WARS1: variants seen among roughly 807,000 people sequenced by gnomAD.
WARS1 encodes tryptophanyl-tRNA synthetase 1, also known as tryptophan--tRNA ligase, cytoplasmic.
WARS1 carries 17 observed loss-of-function variants against 47.8 expected under a neutral mutation model. The ratio of observed to expected loss-of-function variants is 0.36; its 90% CI spans 0.24 to 0.53. The LOEUF is 0.53. WARS1 is among the 20% of genes least tolerant of loss of function. The pLI is 0.91. For missense variants in WARS1, 434 were observed against 608.0 expected, an observed-to-expected ratio of 0.71 and a Z score of 3.01; for synonymous variants, 208 against 228.1, an observed-to-expected ratio of 0.91 and a Z score of 0.79.
intron 7 of WARS1, among the ~76,000 whole-genome samples, chr14:100,343,656 CAGA>C (rs1040323858): frequency 2.1e-4 from 31 of 149,298 alleles, no homozygotes; most frequent in African/African-American, 6.4e-4. Context: ...TTTTTTTTCT[CAGA>C]AGGAGTCTCG....
Position 100,373,364 on chromosome 14 carries a change from AG to A in WARS1, c.-74+1918del. On this transcript the variant is annotated intron_variant, in intron 1 of 10. Coordinates refer to ENST00000392882, the MANE Select transcript of WARS1 (RefSeq NM_004184.4). This position sits in a 1 kb window ranked among gnomAD's most constrained non-coding sequence, Gnocchi z 4.4. The stretch of plus-strand genomic sequence containing the variant: ...AGGCTGGTCTCTTGGGGTCTCCTCC[AG>A]GTCTCCCAACCTTAGTCTGTTTTCT... Among the ~76,000 whole-genome samples the A allele has an allele frequency of 6.6e-6, 1 of 152,270 alleles. No homozygotes were observed. The highest frequency in any genetic ancestry group is 2.4e-5 in the African/African-American group (1 of 41,532).
At chr14:100,364,143 C>T (rs1895816158) in intron 2 of WARS1, among the ~76,000 whole-genome samples, 1 of 152,096 alleles carries the variant, frequency 6.6e-6, no homozygotes, top group Non-Finnish European at 1.5e-5. Context: ...TGCTTATGAT[C>T]AGCATGTTTT....
intron 7 of WARS1, among the ~76,000 whole-genome samples, chr14:100,346,257 A>C (rs1307439404): frequency 2.0e-5 from 3 of 152,190 alleles, no homozygotes; most frequent in East Asian, 1.9e-4. Flanking sequence ...AGAGCAGGGC[A>C]GGGGTGGGAA....
chr14:100,355,045 T>G (rs925072335), intron 4 of WARS1, among the ~76,000 whole-genome samples: 1 of 152,128 alleles, frequency 6.6e-6, no homozygotes, highest in Non-Finnish European at 1.5e-5. Context: ...AAGTGCCCAG[T>G]TGGAGATCTA....
chr14:100,370,236 C>T (rs150793667), intron 1 of WARS1: 104 of 152,272 alleles, frequency 6.8e-4, no homozygotes, highest in African/African-American at 2.5e-3. Flanking sequence ...TTCATTATAA[C>T]CCTTGCAGGA....
At chr14:100,363,539 T>C (rs1340271333) in intron 2 of WARS1, among the ~76,000 whole-genome samples, 1 of 151,904 alleles carries the variant, frequency 6.6e-6, no homozygotes, top group Non-Finnish European at 1.5e-5. Context: ...CTACCAAAAA[T>C]AGAAAAAATT....
chr14:100,335,179 CACA>C (rs1893634733), intron 10 of WARS1, 143 bp from the exon 11 acceptor site: 2 of 706,920 alleles, frequency 2.8e-6, no homozygotes, highest in Admixed American at 2.9e-5. Context: ...CTGTTGTTAC[CACA>C]ACAATAACCT....
intron 9 of WARS1, among the ~76,000 whole-genome samples, chr14:100,339,312 G>C (rs944811237): frequency 6.6e-6 from 1 of 151,426 alleles, no homozygotes; most frequent in Non-Finnish European, 1.5e-5. Context: ...CATGCGAGGG[G>C]CTGGCGCAGT....
Position 100,342,521 on chromosome 14 carries a change from A to T in WARS1, c.990T>A (p.Pro330=). 6.2e-7 allele frequency: 1 copy of T among 1,613,590 alleles called. No individual in the cohort carries two copies. The highest frequency in any genetic ancestry group is 8.5e-7 in the Non-Finnish European group (1 of 1,179,906). Residue 330 remains proline, a synonymous_variant, in exon 9 of 11, where the codon CCT becomes CCA. Coordinates refer to ENST00000392882, the MANE Select transcript of WARS1 (RefSeq NM_004184.4). Reference sequence around the variant, plus strand: ...AGGTGGAGTGCAGCAGGGCTGGTTTAGGATAGCCGATCCTGGGGGCGACGT... The same window carrying T: ...AGGTGGAGTGCAGCAGGGCTGGTTTTGGATAGCCGATCCTGGGGGCGACGT... ...TRDVAPRIGY[P]KPALLHSTFF... is the part of the protein sequence containing the mutation.
chr14:100,347,286 G>C (rs761604530), intron 6 of WARS1, among the ~76,000 whole-genome samples: 1 of 152,176 alleles, frequency 6.6e-6, no homozygotes, highest in African/African-American at 2.4e-5. Flanking sequence ...TCGGATGAGC[G>C]TATGGATAGA....
chr14:100,368,344 T>C lies in WARS1; in HGVS notation c.99+743A>G, dbSNP rs1046916904. 27 of 441,294 alleles carry C rather than the reference T, an allele frequency of 6.1e-5. 2 individuals carry two copies. The highest frequency in any genetic ancestry group is 4.3e-4 in the South Asian group (27 of 62,568). The allele number at this position is 441,294 out of a possible 1,614,324, so 27.3% of individuals were successfully genotyped here. Reference sequence around the variant, plus strand: ...CAGCTGTCCACGTCTATTTCCATGGTCATAATAATGTCAGTGTACAGATAC... The same window carrying C: ...CAGCTGTCCACGTCTATTTCCATGGCCATAATAATGTCAGTGTACAGATAC... On this transcript the variant is annotated intron_variant, in intron 2 of 10. Transcript: ENST00000392882.
At chr14:100,364,801 C>T (rs903235135) in intron 2 of WARS1, among the ~76,000 whole-genome samples, 1 of 152,184 alleles carries the variant, frequency 6.6e-6, no homozygotes, top group African/African-American at 2.4e-5. Context: ...ATACCACTGT[C>T]AACTTCCCAA....
Position 100,336,953 on chromosome 14 carries a change from T to C in WARS1, c.1254+109A>G, listed in dbSNP as rs78220381. On this transcript the variant is annotated intron_variant, in intron 10 of 10. Transcript: ENST00000392882. ...TACTCAGTTTTCACCTTGTTTCAGT[T>C]GAGCACCTCCGACCAAGCCTTCATG... The C allele has an allele frequency of 2.5e-4, 368 of 1,454,388 alleles. 2 individuals are homozygous for C. The East Asian group carries it at 6.3e-3, about 25-fold the overall frequency. 90.1% of individuals were successfully genotyped at this position (1,454,388 alleles called of 1,614,324 possible).
chr14:100,369,387 T>C (rs945180667), intron 1 of WARS1, 129 bp from the exon 2 acceptor site: 1 of 265,600 alleles, frequency 3.8e-6, no homozygotes, highest in Non-Finnish European at 7.0e-6. Context: ...GTAAAGGACA[T>C]AGATAATATA....
chr14:100,346,790 T>C lies in WARS1; in HGVS notation c.782A>G (p.Asn261Ser), dbSNP rs776785176. Reference protein sequence around the residue: ...VVKIQKHVTFNQVKGIFGFTD... With the variant: ...VVKIQKHVTFSQVKGIFGFTD... ...GAAGCCGAAAATGCCTTTCACTTGG[T>C]TGAAGGTAACATGCTTTTGAATCTT... is the stretch of plus-strand genomic sequence containing the variant. Residue 261 changes from asparagine to serine, a missense_variant, in exon 7 of 11, where the codon AAC (asparagine) becomes AGC (serine). Transcript: ENST00000392882. The C allele has an allele frequency of 2.0e-5, 33 of 1,614,038 alleles. No individual in the cohort carries two copies. The South Asian group carries it at 3.3e-4, about 16-fold the overall frequency.
Position 100,354,573 on chromosome 14 carries a change from GA to G in WARS1, c.423-8del. 1 of 1,598,292 alleles carries G rather than the reference GA, an allele frequency of 6.3e-7. No homozygotes were observed. Among genetic ancestry groups the G allele is most frequent in the Non-Finnish European group, 8.5e-7 (1 of 1,174,414 alleles). ...AAGAACCTGATTCATATCTCTAAAGGAAAAAGGAGAAGAGGAAGAGTGTGAT... is the reference window on the plus strand; with the variant it reads ...AAGAACCTGATTCATATCTCTAAAGGAAAAGGAGAAGAGGAAGAGTGTGAT... On this transcript the variant is annotated splice_region_variant and splice_polypyrimidine_tract_variant and intron_variant, in intron 4 of 10. Coordinates refer to ENST00000392882, the MANE Select transcript of WARS1 (RefSeq NM_004184.4).
chr14:100,350,843 A>C (rs975587820), intron 6 of WARS1, among the ~76,000 whole-genome samples: 1 of 152,162 alleles, frequency 6.6e-6, no homozygotes, highest in Non-Finnish European at 1.5e-5. Context: ...AGGGGCATCT[A>C]AATTTGGCTG....
chr14:100,336,317 C>T (rs1033104277), intron 10 of WARS1, among the ~76,000 whole-genome samples: 6 of 150,858 alleles, frequency 4.0e-5, no homozygotes, highest in South Asian at 2.1e-4. Context: ...CTTGCTATGT[C>T]GCCCAGGCTG....
At chr14:100,349,635 A>G (rs1426627235) in intron 6 of WARS1, among the ~76,000 whole-genome samples, 1 of 152,240 alleles carries the variant, frequency 6.6e-6, no homozygotes, top group African/African-American at 2.4e-5. Flanking sequence ...GGACTTGCCC[A>G]AGGGAACAAG....
Sources: gnomAD v4.1 joint callset for allele counts (sites outside exome capture counted in the v4.1 genomes callset) on GRCh38, gnomAD v4.1.1 for gene constraint, Gnocchi (gnomAD v3.1) non-coding constraint, MANE v1.5 for transcripts, NCBI Gene and HGNC (gene_info 2026-07-23, HGNC 2026-07-21) for gene names.